FOLH1: variants seen among roughly 807,000 people sequenced by gnomAD.
FOLH1 encodes folate hydrolase 1.
A neutral mutation model predicts 93.9 loss-of-function variants in FOLH1; 54 were observed. That is an observed-to-expected ratio of 0.57 (90% confidence interval 0.46 to 0.72). The LOEUF (loss-of-function observed/expected upper bound fraction) is 0.72. Among genes scored for constraint, FOLH1 ranks in the 30% least tolerant of loss-of-function variants. The pLI, the probability that FOLH1 is intolerant of heterozygous loss-of-function variation, is 0.00. For synonymous variants in FOLH1, 249 were observed against 303.6 expected, an observed-to-expected ratio of 0.82 and a Z score of 1.87; for missense variants, 571 against 892.5, an observed-to-expected ratio of 0.64 and a Z score of 4.59.
chr11:49,161,402 T>TA (rs1305159311), intron 13 of FOLH1, among the ~76,000 whole-genome samples: 1 of 152,154 alleles, frequency 6.6e-6, no homozygotes, highest in Non-Finnish European at 1.5e-5. Flanking sequence ...TCTTTTTTTT[T>TA]ATCTTTGTTG....
rs778510044 is a variant in FOLH1 at position 49,200,488 on chromosome 11, C to A, written c.225-47G>T. On this transcript the variant is annotated intron_variant, in intron 2 of 18. Transcript: ENST00000256999. ...TGGTTAGATATTAATGTTTAATCAA[C>A]TTTTATTCCAAATCAACAAAGTAAA... The A allele has an allele frequency of 5.0e-6, 8 of 1,592,338 alleles. No homozygotes were observed. The South Asian group carries it at 9.1e-5, about 18-fold the overall frequency.
At chr11:49,152,308 C>A in intron 17 of FOLH1, among the ~76,000 whole-genome samples, 1 of 152,102 alleles carries the variant, frequency 6.6e-6, no homozygotes, top group African/African-American at 2.4e-5. Flanking sequence ...AGTGGAAATA[C>A]TATGTCAAAG....
chr11:49,175,895 T>C lies in FOLH1; in HGVS notation c.983A>G (p.Asn328Ser). Reference protein sequence around the residue: ...SWRGSLKVPYNVGPGFTGNFS... With the variant: ...SWRGSLKVPYSVGPGFTGNFS... ...GTTTCCAGTAAAGCCAGGTCCAACATTGTAGGGCACTTTGAGACTTCCTCT... is the reference window on the plus strand; with the variant it reads ...GTTTCCAGTAAAGCCAGGTCCAACACTGTAGGGCACTTTGAGACTTCCTCT... The change falls in exon 8 of 19, where the codon AAT becomes AGT. Residue 328 changes from asparagine (N) to serine (S), a missense_variant. By Grantham distance (46) the Asn-to-Ser change is conservative. Transcript: ENST00000256999. 1 of 1,613,796 alleles carries C rather than the reference T, an allele frequency of 6.2e-7. No homozygotes were observed. Among genetic ancestry groups the C allele is most frequent in the African/African-American group, 1.3e-5 (1 of 75,032 alleles).
chr11:49,173,982 A>G (rs1859690369), intron 9 of FOLH1, among the ~76,000 whole-genome samples: 1 of 152,110 alleles, frequency 6.6e-6, no homozygotes, highest in South Asian at 2.1e-4. Context: ...AGTATTTTCT[A>G]TAGAAGAGGG....
intron 2 of FOLH1, among the ~76,000 whole-genome samples, chr11:49,204,732 A>G (rs1863678049): frequency 6.6e-6 from 1 of 152,150 alleles, no homozygotes; most frequent in South Asian, 2.1e-4. Flanking sequence ...TTGTATGATT[A>G]TATGTGTGCA....
intron 4 of FOLH1, among the ~76,000 whole-genome samples, chr11:49,191,771 C>T (rs1862072180): frequency 6.6e-6 from 1 of 152,188 alleles, no homozygotes; most frequent in South Asian, 2.1e-4. Flanking sequence ...AATCTCAGCT[C>T]ACTGCAAGCT....
chr11:49,164,539 G>A (rs1266174479), intron 13 of FOLH1, among the ~76,000 whole-genome samples, 166 bp downstream of exon 13: 3 of 152,100 alleles, frequency 2.0e-5, no homozygotes, highest in Non-Finnish European at 4.4e-5. Context: ...GAGGCAATCT[G>A]TGTAAACAGT....
At chr11:49,157,164 T>C (rs1857124912) in intron 14 of FOLH1, among the ~76,000 whole-genome samples, 2 of 152,008 alleles carry the variant, frequency 1.3e-5, no homozygotes, top group African/African-American at 4.8e-5. Context: ...TTGCCCTTAA[T>C]AATATAAATA....
At chr11:49,171,489 T>C (rs1859281011) in intron 10 of FOLH1, among the ~76,000 whole-genome samples, 1 of 152,114 alleles carries the variant, frequency 6.6e-6, no homozygotes, top group South Asian at 2.1e-4. Flanking sequence ...AGGGGGGACA[T>C]GTGACAGTAA....
chr11:49,157,805 A>T, intron 14 of FOLH1, 147 bp downstream of exon 14: 2 of 701,438 alleles, frequency 2.9e-6, no homozygotes, highest in Non-Finnish European at 4.5e-6. Flanking sequence ...GTAATATTTT[A>T]TTTGTGAACC....
At chr11:49,189,676 T>C (rs550437095) in intron 4 of FOLH1, among the ~76,000 whole-genome samples, 6 of 152,322 alleles carry the variant, frequency 3.9e-5, no homozygotes, top group African/African-American at 1.4e-4. Context: ...GTATGGCTAT[T>C]GCACCATCAT....
chr11:49,152,959 T>C (rs1226955305), intron 17 of FOLH1, among the ~76,000 whole-genome samples: 2 of 152,118 alleles, frequency 1.3e-5, no homozygotes, highest in Non-Finnish European at 2.9e-5. Context: ...AATATTATGG[T>C]TGAGTAATCT....
chr11:49,174,372 A>G (rs1859738927), intron 9 of FOLH1, among the ~76,000 whole-genome samples: 4 of 152,184 alleles, frequency 2.6e-5, no homozygotes, highest in Admixed American at 2.6e-4. Flanking sequence ...AAGACTATGT[A>G]TAAAATGTAT....
chr11:49,184,076 C>T (rs1861096715), intron 6 of FOLH1, among the ~76,000 whole-genome samples: 1 of 152,056 alleles, frequency 6.6e-6, no homozygotes, highest in Non-Finnish European at 1.5e-5. Context: ...GTTGTTTTTC[C>T]ATTTTTTTCT....
At chr11:49,162,790 CT>C (rs1384349298) in intron 13 of FOLH1, 284 of 137,612 alleles carry the variant, frequency 2.1e-3, no homozygotes, top group Non-Finnish European at 1.9e-3. Flanking sequence ...TTTTTCTTTT[CT>C]TTTTTTTTTT....
chr11:49,168,653 T>C (rs1462578051), intron 12 of FOLH1, among the ~76,000 whole-genome samples: 4 of 152,206 alleles, frequency 2.6e-5, no homozygotes, highest in Non-Finnish European at 4.4e-5. Context: ...GCATTTGTAA[T>C]AGCTATGGGG....
intron 10 of FOLH1, among the ~76,000 whole-genome samples, chr11:49,172,179 C>A (rs1859405046): frequency 6.6e-6 from 1 of 152,082 alleles, no homozygotes; most frequent in Non-Finnish European, 1.5e-5. Flanking sequence ...CATTCCATTT[C>A]TTTGGCATAT....
chr11:49,174,118 A>G (rs1859706684), intron 9 of FOLH1, among the ~76,000 whole-genome samples: 1 of 152,018 alleles, frequency 6.6e-6, no homozygotes, highest in African/African-American at 2.4e-5. Context: ...CCCATTTCCA[A>G]TGCTTATCAT....
At chr11:49,159,028 G>A (rs1857339738) in intron 13 of FOLH1, among the ~76,000 whole-genome samples, 1 of 152,034 alleles carries the variant, frequency 6.6e-6, no homozygotes, top group Non-Finnish European at 1.5e-5. Flanking sequence ...AGGAGCTTTT[G>A]GGCTTTGACA....
Sources: gnomAD v4.1 joint callset for allele counts (sites outside exome capture counted in the v4.1 genomes callset) on GRCh38, gnomAD v4.1.1 for gene constraint, MANE v1.5 for transcripts, NCBI Gene and HGNC (gene_info 2026-07-23, HGNC 2026-07-21) for gene names.